Variants in COL19A1 observed in about 807,000 individuals in gnomAD.
COL19A1 encodes collagen alpha-1(XIX) chain.
In COL19A1, 159 loss-of-function variants were observed where a neutral mutation model predicts 190.2. The observed-to-expected ratio is 0.84, with a 90% confidence interval of 0.73 to 0.95. The LOEUF is 0.95. COL19A1 is among the 40% of genes least tolerant of loss of function. COL19A1 has a pLI of 0.00. For synonymous variants in COL19A1, 509 were observed against 458.9 expected (o/e 1.11, Z -1.39); for missense variants, 1,418 against 1,431.9 (o/e 0.99, Z 0.16).
At chr6:69,922,358 A>G (rs1170536885) in intron 4 of COL19A1, among the ~76,000 whole-genome samples, 1 of 151,390 alleles carries the variant, frequency 6.6e-6, no homozygotes, top group African/African-American at 2.4e-5. Flanking sequence ...TATAATTGTT[A>G]TATATAAATA....
intron 49 of COL19A1, among the ~76,000 whole-genome samples, chr6:70,202,960 T>C (rs1029968347): frequency 1.3e-5 from 2 of 152,192 alleles, no homozygotes; most frequent in African/African-American, 4.8e-5. Flanking sequence ...AGAACTTTCC[T>C]TGGTGTCCAT....
intron 11 of COL19A1, among the ~76,000 whole-genome samples, chr6:70,016,850 A>T (rs1778139645): frequency 6.6e-6 from 1 of 152,102 alleles, no homozygotes; most frequent in African/African-American, 2.4e-5. Context: ...GCTATAATCA[A>T]AAAGATTGAC....
intron 17 of COL19A1, among the ~76,000 whole-genome samples, chr6:70,123,259 T>A (rs1040652420): frequency 2.6e-5 from 4 of 152,068 alleles, no homozygotes; most frequent in African/African-American, 9.7e-5. Flanking sequence ...CACAGTGAGA[T>A]ACCATCTCAC....
At chr6:69,896,178 C>G (rs949057211) in intron 2 of COL19A1, among the ~76,000 whole-genome samples, 7 of 151,952 alleles carry the variant, frequency 4.6e-5, no homozygotes, top group Non-Finnish European at 1.0e-4. Context: ...CATTTTGGGG[C>G]ACTCCTTTCT....
intron 14 of COL19A1, among the ~76,000 whole-genome samples, chr6:70,039,823 C>G (rs1779547155): frequency 6.6e-6 from 1 of 151,106 alleles, no homozygotes; most frequent in Non-Finnish European, 1.5e-5. Flanking sequence ...AGTGCAGTAG[C>G]CCCATCACAG....
In COL19A1 at chr6:70,212,080, A is replaced by G. The variant is rs550597557; in HGVS notation, c.*4806A>G. On this transcript the variant is annotated 3_prime_UTR_variant, in exon 51 of 51. Coordinates refer to ENST00000620364, the MANE Select transcript of COL19A1 (RefSeq NM_001858.6). ...TTATCAGAAGTGTGTGTATTGTGTG[A>G]CCATACTAAGCTTCTGGGTGTAAGT... Among the ~76,000 whole-genome samples, 1 of 152,146 alleles carries G rather than the reference A, an allele frequency of 6.6e-6. No individual in the cohort carries two copies. Among genetic ancestry groups the G allele is most frequent in the Admixed American group, 6.6e-5 (1 of 15,262 alleles).
intron 11 of COL19A1, among the ~76,000 whole-genome samples, chr6:69,995,740 C>CTTG (rs549047271): frequency 2.2e-4 from 34 of 152,188 alleles, no homozygotes; most frequent in African/African-American, 7.5e-4. Flanking sequence ...ATTTGATTCT[C>CTTG]ATATATGAAA....
chr6:69,916,103 AT>A (rs1391511975), intron 4 of COL19A1, among the ~76,000 whole-genome samples: 2 of 152,060 alleles, frequency 1.3e-5, no homozygotes, highest in Admixed American at 1.3e-4. Context: ...TGCCTGGCTA[AT>A]TTTTTGTATT....
intron 12 of COL19A1, among the ~76,000 whole-genome samples, chr6:70,029,879 AAAC>A (rs1350251710): frequency 1.3e-5 from 2 of 152,202 alleles, no homozygotes; most frequent in Admixed American, 6.5e-5. Flanking sequence ...TGAAAAGTAA[AAAC>A]AACATTTATT....
chr6:69,901,831 G>A (rs1358785631), intron 4 of COL19A1, among the ~76,000 whole-genome samples: 1 of 152,188 alleles, frequency 6.6e-6, no homozygotes, highest in Non-Finnish European at 1.5e-5. Flanking sequence ...AAAGGATTTT[G>A]GCAAAAGGAG....
At chr6:70,143,061 A>C (rs553728670) in intron 23 of COL19A1, among the ~76,000 whole-genome samples, 1 of 152,282 alleles carries the variant, frequency 6.6e-6, no homozygotes, top group African/African-American at 2.4e-5. Flanking sequence ...TTGGAGCTCA[A>C]GTTAATCAAA....
At chr6:70,036,169 C>A (rs1779342518) in intron 14 of COL19A1, among the ~76,000 whole-genome samples, 1 of 152,198 alleles carries the variant, frequency 6.6e-6, no homozygotes, top group African/African-American at 2.4e-5. Flanking sequence ...GAATCAGTAC[C>A]TACCCTGAGC....
intron 11 of COL19A1, among the ~76,000 whole-genome samples, chr6:70,001,497 A>G (rs978902947): frequency 1.3e-5 from 2 of 152,192 alleles, no homozygotes. Flanking sequence ...CTTCCTATCC[A>G]TAAGCATGGA....
At chr6:70,083,408 A>G (rs756021937) in intron 15 of COL19A1, among the ~76,000 whole-genome samples, 3 of 152,138 alleles carry the variant, frequency 2.0e-5, no homozygotes, top group African/African-American at 4.8e-5. Flanking sequence ...ATTCAGTAAT[A>G]TACACTGGAA....
At chr6:69,888,003 A>T (rs1769058851) in intron 2 of COL19A1, among the ~76,000 whole-genome samples, 1 of 152,150 alleles carries the variant, frequency 6.6e-6, no homozygotes, top group Non-Finnish European at 1.5e-5. Context: ...AGTACATCTA[A>T]TTGCTCTTAG....
At chr6:70,040,793 T>C (rs562645868) in intron 14 of COL19A1, among the ~76,000 whole-genome samples, 20 of 152,328 alleles carry the variant, frequency 1.3e-4, no homozygotes, top group Non-Finnish European at 2.8e-4. Context: ...CTTTAACCTT[T>C]AAATATTCTG....
chr6:70,119,798 T>A (rs139149641), intron 16 of COL19A1, among the ~76,000 whole-genome samples: 120 of 152,276 alleles, frequency 7.9e-4, no homozygotes, highest in African/African-American at 2.8e-3. Context: ...ACTATATAAA[T>A]GTTTGCTATT....
At chr6:70,168,578 A>G in intron 39 of COL19A1, 77 bp from the exon 40 acceptor site, 10 of 1,469,108 alleles carry the variant, frequency 6.8e-6, no homozygotes, top group Non-Finnish European at 9.4e-6. Flanking sequence ...ATTAAGGCAA[A>G]TTGGACAACA....
chr6:69,939,719 G>T (rs1328067601), intron 9 of COL19A1, among the ~76,000 whole-genome samples: 1 of 152,022 alleles, frequency 6.6e-6, no homozygotes, highest in East Asian at 1.9e-4. Flanking sequence ...TGTGCCCAAG[G>T]TAACACAATT....
Sources: gnomAD v4.1 joint callset for allele counts (sites outside exome capture counted in the v4.1 genomes callset) on GRCh38, gnomAD v4.1.1 for gene constraint, MANE v1.5 for transcripts, NCBI Gene and HGNC (gene_info 2026-07-23, HGNC 2026-07-21) for gene names.